Variants in SULF1 observed in about 807,000 individuals in gnomAD.
The protein encoded by SULF1 is extracellular sulfatase Sulf-1.
SULF1 carries 46 observed loss-of-function variants against 110.5 expected under a neutral mutation model. The observed-to-expected ratio is 0.42, with a 90% CI of 0.33 to 0.53. The LOEUF (loss-of-function observed/expected upper bound fraction) is 0.53, where lower values mean the gene tolerates loss of function less well. Ranked by LOEUF, SULF1 falls within the 20% of genes least tolerant of loss-of-function variation. The pLI is 0.12. For synonymous variants in SULF1, 371 were observed against 387.1 expected (o/e 0.96, Z 0.49); for missense variants, 941 against 1,094.2 (o/e 0.86, Z 1.98).
intron 1 of SULF1, among the ~76,000 whole-genome samples, chr8:69,474,906 C>G (rs1350710957): frequency 6.6e-6 from 1 of 152,120 alleles, no homozygotes; most frequent in Admixed American, 6.6e-5. Flanking sequence ...AAACACAAAA[C>G]ACAAAAGCTA....
intron 8 of SULF1, among the ~76,000 whole-genome samples, chr8:69,594,321 G>T (rs565516558): frequency 8.5e-5 from 13 of 152,292 alleles, no homozygotes; most frequent in Admixed American, 6.5e-5. Flanking sequence ...AAAGTGCTGG[G>T]ATTACAGGCA....
At chr8:69,626,431 C>G (rs978875626) in intron 15 of SULF1, among the ~76,000 whole-genome samples, 6 of 152,264 alleles carry the variant, frequency 3.9e-5, no homozygotes, top group Admixed American at 6.5e-5. Flanking sequence ...CTTAGTGGAT[C>G]CCGCACAGGG....
chr8:69,546,204 G>A (rs184774457), intron 3 of SULF1, among the ~76,000 whole-genome samples: 21 of 152,280 alleles, frequency 1.4e-4, no homozygotes, highest in Non-Finnish European at 2.1e-4. Flanking sequence ...CATCATTTAG[G>A]ACTCTACAAC....
chr8:69,580,029 G>A (rs561738129), intron 6 of SULF1, among the ~76,000 whole-genome samples: 53 of 152,090 alleles, frequency 3.5e-4, no homozygotes, highest in Admixed American at 1.6e-3. Context: ...TTTGGGAGGC[G>A]TCCAGAATCC....
intron 1 of SULF1, among the ~76,000 whole-genome samples, chr8:69,483,385 C>G (rs1035770678): frequency 7.9e-5 from 12 of 152,110 alleles, no homozygotes; most frequent in Admixed American, 7.9e-4. Context: ...ATTGGACAGG[C>G]ATTGTGGGAC....
At chr8:69,546,973 G>A (rs4737994) in intron 3 of SULF1, among the ~76,000 whole-genome samples, 82,824 of 152,034 alleles carry the variant, frequency 0.54, 23,824 homozygotes, top group East Asian at 0.86. Context: ...AACCAGTGCA[G>A]ACACAGCTTT....
chr8:69,527,421 A>G (rs868428826), intron 3 of SULF1, among the ~76,000 whole-genome samples: 2 of 152,124 alleles, frequency 1.3e-5, no homozygotes, highest in Non-Finnish European at 2.9e-5. Context: ...AATGACCAGT[A>G]GAGCCAGAGG....
At chr8:69,561,959 C>G (rs150398113) in intron 3 of SULF1, among the ~76,000 whole-genome samples, 1 of 152,318 alleles carries the variant, frequency 6.6e-6, no homozygotes, top group Non-Finnish European at 1.5e-5. Flanking sequence ...TCAGCATGTA[C>G]AGCAATCACT....
intron 6 of SULF1, among the ~76,000 whole-genome samples, chr8:69,584,805 C>A (rs943191905): frequency 7.9e-5 from 12 of 152,106 alleles, no homozygotes; most frequent in Non-Finnish European, 1.6e-4. Flanking sequence ...TTCAATTGAA[C>A]CATCGTAGGT....
At chr8:69,581,448 T>A (rs1428158370) in intron 6 of SULF1, among the ~76,000 whole-genome samples, 1 of 152,118 alleles carries the variant, frequency 6.6e-6, no homozygotes, top group East Asian at 1.9e-4. Context: ...CCAACAATAA[T>A]TACAATCAGG....
chr8:69,555,406 C>A (rs1044763718), intron 3 of SULF1, among the ~76,000 whole-genome samples: 61 of 152,210 alleles, frequency 4.0e-4, no homozygotes, highest in Non-Finnish European at 2.2e-4. Context: ...GCCTGTAATC[C>A]CAGCACTTTG....
rs904426553 is a variant in SULF1 at position 69,526,352 on chromosome 8, C to A, written c.-134+24384C>A. Among the ~76,000 whole-genome samples the A allele has an allele frequency of 9.9e-5, 15 of 152,054 alleles. 1 individual carries two copies. In the South Asian group the frequency reaches 2.7e-3, roughly 27 times the overall value. On this transcript the variant is annotated intron_variant, in intron 3 of 22. Coordinates refer to ENST00000402687, the MANE Select transcript of SULF1 (RefSeq NM_001128205.2). ...AAATTCTTTTTATTTAAATAAAGAT[C>A]ATTCTATTCTTACATTTTCTTTTAT...
chr8:69,587,322 C>T (rs1199175113), intron 7 of SULF1, among the ~76,000 whole-genome samples: 1 of 152,162 alleles, frequency 6.6e-6, no homozygotes, highest in Non-Finnish European at 1.5e-5. Context: ...TATCTAGCAA[C>T]CTCTCCCAAC....
At position 69,541,686 on chromosome 8, in the gene SULF1, A is replaced by T. The variant is rs193066868; in HGVS notation, c.-133-21853A>T. ...ACAGAACCCTAAAATGCTCACAGGT[A>T]GAAAAGCTCAGGAAGAATGTCTTTG... On this transcript the variant is annotated intron_variant, in intron 3 of 22. Transcript: ENST00000402687. Among the ~76,000 whole-genome samples, 36 of 152,374 alleles carry T rather than the reference A, an allele frequency of 2.4e-4. 1 individual carries two copies.
chr8:69,524,004 C>A (rs984392510), intron 3 of SULF1, among the ~76,000 whole-genome samples: 11 of 152,052 alleles, frequency 7.2e-5, no homozygotes, highest in Non-Finnish European at 1.3e-4. Flanking sequence ...GAAGAAATGA[C>A]AGCGAAGCAG....
At chr8:69,647,405 G>T (rs1357799327) in intron 22 of SULF1, among the ~76,000 whole-genome samples, 1 of 152,116 alleles carries the variant, frequency 6.6e-6, no homozygotes, top group African/African-American at 2.4e-5. Flanking sequence ...ATCTATAAAT[G>T]ACATATATAT....
At chr8:69,486,995 A>C (rs1233390842) in intron 1 of SULF1, among the ~76,000 whole-genome samples, 2 of 152,222 alleles carry the variant, frequency 1.3e-5, no homozygotes, top group Admixed American at 6.5e-5. Context: ...TGGGAAAAGA[A>C]TTTCTCAAAT....
rs139482727 is a variant in SULF1 at position 69,573,281 on chromosome 8, T to A, written c.173-2689T>A. ...TGGGAGCCCTACACAATCAGCTCAG[T>A]TAGTTAAGAAAAGGATGATACTGAG... On this transcript the variant is annotated intron_variant, in intron 5 of 22. Coordinates refer to ENST00000402687, the MANE Select transcript of SULF1 (RefSeq NM_001128205.2). Among the ~76,000 whole-genome samples the A allele has an allele frequency of 1.8e-3, 269 of 152,240 alleles. 3 individuals are homozygous for A. The highest frequency in any genetic ancestry group is 6.8e-3 in the Middle Eastern group (2 of 294).
chr8:69,519,096 AT>A (rs1327966663), intron 3 of SULF1, among the ~76,000 whole-genome samples: 8 of 152,064 alleles, frequency 5.3e-5, no homozygotes, highest in African/African-American at 1.7e-4. Context: ...TTCATATGTC[AT>A]TTGTCCAGTT....
Sources: allele counts gnomAD v4.1 joint callset (sites outside exome capture counted in the v4.1 genomes callset), GRCh38; gene constraint gnomAD v4.1.1; transcripts MANE v1.5; gene names NCBI Gene and HGNC (gene_info 2026-07-23, HGNC 2026-07-21).